Variants in GCSAML observed in about 807,000 individuals in gnomAD.
The protein encoded by GCSAML is germinal center associated signaling and motility like.
Under a neutral mutation model 13.0 loss-of-function variants are expected in GCSAML, and 9 were observed. The observed-to-expected ratio is 0.69, with a 90% CI of 0.42 to 1.21. GCSAML has a LOEUF of 1.21. GCSAML is among the 50% of genes most tolerant of loss of function. The pLI, the probability that GCSAML is intolerant of heterozygous loss-of-function variation, is 0.00. For synonymous variants in GCSAML, 37 were observed against 52.9 expected (o/e 0.70, Z 1.31); for missense variants, 143 against 153.4 (o/e 0.93, Z 0.36).
chr1:247,554,902 A>G lies in GCSAML; in HGVS notation c.30-1505A>G, dbSNP rs1558254104. On this transcript the variant is annotated intron_variant, in intron 1 of 4. Coordinates refer to ENST00000366488, the MANE Select transcript of GCSAML (RefSeq NM_145278.5). ...CAGAAGGTATAAAAAATTATTCATAATCTTAATTCTTTGGCCAAGATACAT... is the reference window on the plus strand; with the variant it reads ...CAGAAGGTATAAAAAATTATTCATAGTCTTAATTCTTTGGCCAAGATACAT... 2.6e-5 allele frequency among the ~76,000 whole-genome samples: 4 copies of G among 152,314 alleles called. No homozygotes were observed. In the East Asian group the frequency reaches 5.8e-4, roughly 22 times the overall value.
chr1:247,507,748 G>C (rs1394423848), intron 1 of GCSAML, among the ~76,000 whole-genome samples: 2 of 152,070 alleles, frequency 1.3e-5, no homozygotes, highest in African/African-American at 4.8e-5. Flanking sequence ...GTTCACTTAT[G>C]AGTGAAAACA....
At chr1:247,510,378 TA>T (rs1292491139) in intron 1 of GCSAML, among the ~76,000 whole-genome samples, 1 of 152,208 alleles carries the variant, frequency 6.6e-6, no homozygotes, top group African/African-American at 2.4e-5. Context: ...TTATTGTGTC[TA>T]TTTGATTTTT....
At chr1:247,532,635 A>G (rs118147664) in intron 2 of GCSAML, 3 of 970,872 alleles carry the variant, frequency 3.1e-6, no homozygotes, top group Admixed American at 2.8e-5. Context: ...ATTTTATGTT[A>G]TTCTTTTTTA....
chr1:247,517,914 G>A (rs896588400), intron 1 of GCSAML, among the ~76,000 whole-genome samples: 2 of 152,172 alleles, frequency 1.3e-5, no homozygotes, highest in Non-Finnish European at 2.9e-5. Flanking sequence ...CTGGGGTTCT[G>A]GAGAGGCCAA....
chr1:247,507,597 C>A (rs1184978459), intron 1 of GCSAML, among the ~76,000 whole-genome samples: 1 of 152,038 alleles, frequency 6.6e-6, no homozygotes, highest in Non-Finnish European at 1.5e-5. Flanking sequence ...CATGTATACA[C>A]GTGCCATGGT....
rs1249174920 is a variant in GCSAML, at chr1:247,522,015, G to A, written c.-262-4925G>A. On this transcript the variant is annotated intron_variant, in intron 1 of 5. Coordinates refer to the GCSAML transcript ENST00000366489. ...CTGCCCCGTCTGGGATGTGAGGAGC[G>A]CCTCTGCCCGGCCGCAACCCCGTCT... 2.1e-4 allele frequency among the ~76,000 whole-genome samples: 32 copies of A among 150,500 alleles called. 1 individual carries two copies. The highest frequency in any genetic ancestry group is 3.7e-4 in the African/African-American group (15 of 40,816).
intron 1 of GCSAML, among the ~76,000 whole-genome samples, chr1:247,511,330 T>C (rs183494808): frequency 3.3e-5 from 5 of 152,340 alleles, no homozygotes; most frequent in Admixed American, 6.5e-5. Context: ...GAGATCAGGA[T>C]TGCAACCTCT....
At chr1:247,543,997 C>G (rs1339458144) in intron 2 of GCSAML, among the ~76,000 whole-genome samples, 1 of 152,112 alleles carries the variant, frequency 6.6e-6, no homozygotes, top group Non-Finnish European at 1.5e-5. Context: ...TTATAAGTTG[C>G]TAATTCTTAT....
At chr1:247,514,048 T>C (rs1462111323) in intron 1 of GCSAML, among the ~76,000 whole-genome samples, 1 of 152,128 alleles carries the variant, frequency 6.6e-6, no homozygotes, top group Non-Finnish European at 1.5e-5. Context: ...TGGTGTGATC[T>C]TGGCTCACTG....
chr1:247,527,182 G>A lies in GCSAML; in HGVS notation c.-148+128G>A, dbSNP rs1425334652. Reference sequence around the variant, plus strand: ...GCCTGAGCATTTAAGGCAGTTGGAGGAGAGTGTGAGTTATGGTCATCATTC... The same window carrying A: ...GCCTGAGCATTTAAGGCAGTTGGAGAAGAGTGTGAGTTATGGTCATCATTC... On this transcript the variant is annotated intron_variant, in intron 2 of 5. Coordinates refer to the GCSAML transcript ENST00000366489. The surrounding 1 kb of genome is among the most constrained non-coding windows in gnomAD (Gnocchi z 4.6). 2.4e-6 allele frequency: 1 copy of A among 413,584 alleles called. No homozygotes were observed. The highest frequency in any genetic ancestry group is 1.8e-5 in the South Asian group (1 of 55,208). 25.6% of individuals were successfully genotyped at this position (413,584 alleles called of 1,614,324 possible). A position where few individuals can be genotyped will look rare whatever the true frequency, so the allele number is the denominator to read the frequency against.
At chr1:247,522,230 C>G (rs186072663) in intron 1 of GCSAML, among the ~76,000 whole-genome samples, 1 of 106,448 alleles carries the variant, frequency 9.4e-6, no homozygotes. Flanking sequence ...CCCAGCCAGC[C>G]GCCCTGTCCG....
intron 3 of GCSAML, among the ~76,000 whole-genome samples, chr1:247,565,027 T>C (rs550994174): frequency 7.2e-5 from 11 of 152,224 alleles, no homozygotes; most frequent in African/African-American, 2.4e-4. Context: ...GAGATCTAAT[T>C]AAACTAAAGT....
At position 247,526,298 on chromosome 1, in the gene GCSAML, C is replaced by CTAAAAAA. The variant is rs1219135848; in HGVS notation, c.-262-640_-262-639insAAAAATA. On this transcript the variant is annotated intron_variant, in intron 1 of 5. Coordinates refer to the GCSAML transcript ENST00000366489. The surrounding 1 kb of genome is among the most constrained non-coding windows in gnomAD (Gnocchi z 4.8). Reference sequence around the variant, plus strand: ...ATTTTTAAAGTTTATATTTTTTACTCTATCTGGCTCATAATACCTGACCTA... The same window carrying CTAAAAAA: ...ATTTTTAAAGTTTATATTTTTTACTCTAAAAAATATCTGGCTCATAATACCTGACCTA... The CTAAAAAA allele has an allele frequency of 6.6e-6, 1 of 152,158 alleles. No homozygotes were observed. Among genetic ancestry groups the CTAAAAAA allele is most frequent in the Non-Finnish European group, 1.5e-5 (1 of 68,030 alleles). 9.4% of individuals were successfully genotyped at this position (152,158 alleles called of 1,614,324 possible).
intron 2 of GCSAML, 33 bp downstream of exon 2, chr1:247,556,499 T>C (rs1178571399): frequency 1.4e-6 from 2 of 1,475,360 alleles, no homozygotes; most frequent in Admixed American, 1.9e-5. Flanking sequence ...TTTTTTTGTT[T>C]TGTTTTGTTT....
At chr1:247,536,343 G>A (rs1236972495) in intron 2 of GCSAML, 6 of 152,220 alleles carry the variant, frequency 3.9e-5, no homozygotes, top group African/African-American at 1.4e-4. Flanking sequence ...TCTCTAAGTC[G>A]GTGGTAGCAG....
Position 247,555,801 on chromosome 1 carries a change from C to T in GCSAML, c.30-606C>T, listed in dbSNP as rs530649541. Among the ~76,000 whole-genome samples the T allele has an allele frequency of 2.0e-5, 3 of 152,328 alleles. No homozygotes were observed. In the South Asian group the frequency reaches 6.2e-4, roughly 32 times the overall value. On this transcript the variant is annotated intron_variant, in intron 1 of 4. Coordinates refer to ENST00000366488, the MANE Select transcript of GCSAML (RefSeq NM_145278.5). ...GCTGCTAACTATTGTGTTAACCACG[C>T]AAATCACCTGATTTCTCTAACTTCG...
chr1:247,544,512 C>T (rs1359636914), upstream of GCSAML, among the ~76,000 whole-genome samples: 1 of 152,106 alleles, frequency 6.6e-6, no homozygotes, highest in African/African-American at 2.4e-5. Flanking sequence ...GTACATTCCC[C>T]ACAAGTTCCA....
At chr1:247,529,580 A>C (rs1326246657) in intron 2 of GCSAML, 1 of 152,210 alleles carries the variant, frequency 6.6e-6, no homozygotes, top group East Asian at 1.9e-4. Context: ...CATGATGCAT[A>C]ATAATCCAGT....
chr1:247,548,283 A>C (rs1214911885), upstream of GCSAML, among the ~76,000 whole-genome samples: 1 of 152,142 alleles, frequency 6.6e-6, no homozygotes, highest in African/African-American at 2.4e-5. This position sits in a 1 kb window ranked among gnomAD's most constrained non-coding sequence, Gnocchi z 5.3. Context: ...TGCCGCTGAT[A>C]TTGTGGCCTC....
Sources: allele counts gnomAD v4.1 joint callset (sites outside exome capture counted in the v4.1 genomes callset), GRCh38; gene constraint gnomAD v4.1.1; non-coding constraint Gnocchi (gnomAD v3.1); transcripts MANE v1.5; gene names NCBI Gene and HGNC (gene_info 2026-07-23, HGNC 2026-07-21).